The following SH3BGRL2 variants were observed in gnomAD, a reference collection of about 807,000 sequenced individuals.
SH3BGRL2 encodes SH3 domain-binding glutamic acid-rich-like protein 2.
In SH3BGRL2, 21 loss-of-function variants were observed where a neutral mutation model predicts 14.8. The ratio of observed to expected loss-of-function variants is 1.42; its 90% confidence interval spans 1.01 to 2.05. The LOEUF is 2.05. Ranked by LOEUF, SH3BGRL2 falls within the 30% of genes most tolerant of loss-of-function variation. The probability of loss-of-function intolerance (pLI) is 0.00; values close to 1 mark genes in which losing one functional copy is unlikely to be tolerated. For missense variants in SH3BGRL2, 147 were observed against 130.8 expected (o/e 1.12, Z -0.61); for synonymous variants, 50 against 47.8 (o/e 1.05, Z -0.19).
intron 1 of SH3BGRL2, among the ~76,000 whole-genome samples, chr6:79,662,177 A>T (rs914789889): frequency 3.3e-5 from 5 of 151,992 alleles, no homozygotes; most frequent in Non-Finnish European, 5.9e-5. Flanking sequence ...TGTGAATTTG[A>T]TCCTGTCATT....
chr6:79,556,772 A>G, the SH3BGRL2 span, among the ~76,000 whole-genome samples: 3 of 151,994 alleles, frequency 2.0e-5, no homozygotes, highest in Admixed American at 2.0e-4. Context: ...GCTATGGTAC[A>G]TGGTTTAATT....
chr6:79,541,500 C>T, the SH3BGRL2 span, among the ~76,000 whole-genome samples: 1 of 152,128 alleles, frequency 6.6e-6, no homozygotes, highest in African/African-American at 2.4e-5. Flanking sequence ...TTATTTAAGG[C>T]AGGCTTTCCC....
intron 1 of SH3BGRL2, among the ~76,000 whole-genome samples, chr6:79,670,185 G>GT (rs895611633): frequency 6.6e-6 from 1 of 152,098 alleles, no homozygotes; most frequent in African/African-American, 2.4e-5. Context: ...TTATTCTTTT[G>GT]TTTTTTTCCC....
chr6:79,567,594 AGGACC>A, the SH3BGRL2 span, among the ~76,000 whole-genome samples: 1 of 152,258 alleles, frequency 6.6e-6, no homozygotes, highest in South Asian at 2.1e-4. Flanking sequence ...ATTTTCCACA[AGGACC>A]CATGTCATAA....
chr6:79,647,488 G>A (rs549801423), intron 1 of SH3BGRL2, among the ~76,000 whole-genome samples: 2 of 152,086 alleles, frequency 1.3e-5, no homozygotes, highest in African/African-American at 2.4e-5. Flanking sequence ...CTATTGTCCA[G>A]TGTTCAGCCA....
At chr6:79,673,257 C>T (rs1377839921) in intron 1 of SH3BGRL2, among the ~76,000 whole-genome samples, 1 of 151,906 alleles carries the variant, frequency 6.6e-6, no homozygotes, top group East Asian at 1.9e-4. Flanking sequence ...CTCCAGAGTT[C>T]TGGGGAGTCT....
the SH3BGRL2 span, among the ~76,000 whole-genome samples, chr6:79,592,730 A>T: frequency 6.6e-6 from 1 of 152,224 alleles, no homozygotes; most frequent in South Asian, 2.1e-4. Context: ...CACCTTAAAA[A>T]TTTCAAACTT....
chr6:79,538,643 A>T, the SH3BGRL2 span, among the ~76,000 whole-genome samples: 138 of 152,362 alleles, frequency 9.1e-4, no homozygotes, highest in Non-Finnish European at 1.5e-3. Context: ...TAACATGTAA[A>T]TGTATGGGTG....
chr6:79,630,141 T>C (rs78969441), upstream of SH3BGRL2, among the ~76,000 whole-genome samples: 1,305 of 152,304 alleles, frequency 8.6e-3, 19 homozygotes, highest in African/African-American at 0.029. Flanking sequence ...TCTTCTATTA[T>C]TGAAGGAAAT....
At chr6:79,554,744 C>A in the SH3BGRL2 span, among the ~76,000 whole-genome samples, 3 of 152,062 alleles carry the variant, frequency 2.0e-5, no homozygotes, top group Admixed American at 2.0e-4. Context: ...AAAATTGGTA[C>A]GAGTTACTTA....
At chr6:79,682,225 G>T (rs1306392188) in intron 2 of SH3BGRL2, among the ~76,000 whole-genome samples, 1 of 152,150 alleles carries the variant, frequency 6.6e-6, no homozygotes, top group East Asian at 1.9e-4. Context: ...ATGGGAAAAA[G>T]GGGGAACAGT....
chr6:79,581,120 C>T, the SH3BGRL2 span, among the ~76,000 whole-genome samples: 4 of 152,162 alleles, frequency 2.6e-5, no homozygotes, highest in Non-Finnish European at 5.9e-5. Context: ...AGACCAATAA[C>T]AGGCTCTGAA....
At chr6:79,684,568 A>G (rs1770055637) in intron 2 of SH3BGRL2, among the ~76,000 whole-genome samples, 1 of 152,162 alleles carries the variant, frequency 6.6e-6, no homozygotes, top group South Asian at 2.1e-4. Context: ...GGAGGTAGCC[A>G]GCCCATTCTG....
chr6:79,575,129 T>C, the SH3BGRL2 span: 1 of 152,236 alleles, frequency 6.6e-6, no homozygotes, highest in South Asian at 2.1e-4. Context: ...AACAAAGAAC[T>C]ACAGCCATCT....
intron 2 of SH3BGRL2, among the ~76,000 whole-genome samples, chr6:79,687,168 T>G (rs950908429): frequency 6.6e-6 from 1 of 152,214 alleles, no homozygotes; most frequent in Non-Finnish European, 1.5e-5. Flanking sequence ...TGCTCCAGAT[T>G]GTTGTGTTCA....
chr6:79,674,759 C>T (rs1486890568), intron 2 of SH3BGRL2, among the ~76,000 whole-genome samples: 1 of 151,882 alleles, frequency 6.6e-6, no homozygotes, highest in Non-Finnish European at 1.5e-5. Flanking sequence ...TTACCTGTAG[C>T]ATCCTGAGGA....
chr6:79,652,318 C>T (rs2746311), intron 1 of SH3BGRL2, among the ~76,000 whole-genome samples: 15,154 of 152,050 alleles, frequency 0.1, 1,221 homozygotes, highest in East Asian at 0.42. Context: ...ACTTTTATAG[C>T]GACTTTACTG....
intron 1 of SH3BGRL2, among the ~76,000 whole-genome samples, chr6:79,672,961 G>T (rs1769802010): frequency 1.3e-5 from 2 of 152,160 alleles, no homozygotes; most frequent in South Asian, 4.1e-4. Context: ...ACTGATGAAA[G>T]GATGCTTTCA....
chr6:79,582,197 A>G, the SH3BGRL2 span, among the ~76,000 whole-genome samples: 39 of 152,320 alleles, frequency 2.6e-4, no homozygotes, highest in Middle Eastern at 3.4e-3. Flanking sequence ...TATCATGAAA[A>G]TGGCCATACT....
Sources: gnomAD v4.1 joint callset for allele counts (sites outside exome capture counted in the v4.1 genomes callset) on GRCh38, gnomAD v4.1.1 for gene constraint, MANE v1.5 for transcripts, NCBI Gene and HGNC (gene_info 2026-07-23, HGNC 2026-07-21) for gene names.